Variants in FAM20C observed in about 807,000 individuals in gnomAD.
FAM20C encodes the protein FAM20C golgi associated secretory pathway kinase.
Under a neutral mutation model 51.5 loss-of-function variants are expected in FAM20C, and 40 were observed. That is an observed-to-expected ratio of 0.78 (90% confidence interval 0.60 to 1.01). FAM20C has a LOEUF of 1.01. FAM20C is among the 50% of genes least tolerant of loss of function. FAM20C has a pLI of 0.00. For synonymous variants in FAM20C, 406 were observed against 380.6 expected (o/e 1.07, Z -0.78); for missense variants, 861 against 844.7 (o/e 1.02, Z -0.24).
intron 3 of FAM20C, chr7:228,598 T>G: frequency 2.2e-6 from 1 of 456,204 alleles, no homozygotes; most frequent in Admixed American, 2.3e-5. Flanking sequence ...GGGCAGCGTT[T>G]CCACAGAGCC....
chr7:196,104 A>G (rs1215378398), intron 2 of FAM20C, among the ~76,000 whole-genome samples: 4 of 152,196 alleles, frequency 2.6e-5, no homozygotes, highest in Non-Finnish European at 2.9e-5. Flanking sequence ...AAGCGTGTGC[A>G]TGGAACTCTC....
In FAM20C at chr7:232,970, G is replaced by T. The variant is rs1003592092; in HGVS notation, c.864-13445G>T. Among the ~76,000 whole-genome samples the T allele has an allele frequency of 1.6e-4, 24 of 152,360 alleles. No homozygotes were observed. The East Asian group carries it at 4.2e-3, about 27-fold the overall frequency. ...CCTGAGAGGGGCCCAGATCCGGGAGGAAACACGGACGTTCGGAACAGCAGG... is the reference window on the plus strand; with the variant it reads ...CCTGAGAGGGGCCCAGATCCGGGAGTAAACACGGACGTTCGGAACAGCAGG... On this transcript the variant is annotated intron_variant, in intron 3 of 9. Transcript: ENST00000313766.
intron 5 of FAM20C, among the ~76,000 whole-genome samples, chr7:253,304 C>T (rs182898103): frequency 4.6e-5 from 7 of 152,192 alleles, no homozygotes; most frequent in Admixed American, 1.3e-4. Context: ...AGCCCCGACA[C>T]AGTCAGCGAA....
At chr7:202,185 C>G (rs553677502) in intron 2 of FAM20C, among the ~76,000 whole-genome samples, 4 of 152,362 alleles carry the variant, frequency 2.6e-5, no homozygotes, top group African/African-American at 9.6e-5. Context: ...TTCCCATGTG[C>G]ATAGAGAGGA....
At chr7:236,426 G>A (rs1787849378) in intron 3 of FAM20C, among the ~76,000 whole-genome samples, 1 of 152,208 alleles carries the variant, frequency 6.6e-6, no homozygotes, top group Non-Finnish European at 1.5e-5. Flanking sequence ...CTAGGCCAGG[G>A]GATTGAAGCC....
At chr7:212,115 A>T (rs1452717902) in intron 3 of FAM20C, among the ~76,000 whole-genome samples, 1 of 152,182 alleles carries the variant, frequency 6.6e-6, no homozygotes, top group Non-Finnish European at 1.5e-5. Flanking sequence ...TTGCATACGA[A>T]AGCAGCTGTG....
At chr7:212,776 T>TTAGGG (rs1454371268) in intron 3 of FAM20C, among the ~76,000 whole-genome samples, 1 of 152,156 alleles carries the variant, frequency 6.6e-6, no homozygotes, top group Non-Finnish European at 1.5e-5. Context: ...CGTTAAGATA[T>TTAGGG]TTACGTTCTT....
chr7:250,422 C>T (rs957060882), intron 5 of FAM20C, among the ~76,000 whole-genome samples: 3 of 152,140 alleles, frequency 2.0e-5, no homozygotes, highest in African/African-American at 4.8e-5. Flanking sequence ...CCCTACACAC[C>T]AGGAATCGGG....
intron 6 of FAM20C, 130 bp from the exon 7 acceptor site, chr7:256,524 C>T (rs1397538911): frequency 1.8e-5 from 13 of 733,300 alleles, no homozygotes; most frequent in Non-Finnish European, 2.3e-5. Flanking sequence ...GCCTCAGCGC[C>T]GCAGCCCGGG....
chr7:255,119 T>C (rs866128069), intron 5 of FAM20C, among the ~76,000 whole-genome samples: 1 of 152,018 alleles, frequency 6.6e-6, no homozygotes. Context: ...GGGAGGGGAG[T>C]TCCTGGGTCA....
intron 3 of FAM20C, among the ~76,000 whole-genome samples, chr7:234,239 A>C (rs1271227668): frequency 6.6e-6 from 1 of 152,220 alleles, no homozygotes; most frequent in Non-Finnish European, 1.5e-5. Context: ...TCGTGCCCTC[A>C]GTGGGACGCT....
chr7:253,815 C>T (rs569958922), intron 5 of FAM20C, among the ~76,000 whole-genome samples: 49 of 152,308 alleles, frequency 3.2e-4, no homozygotes, highest in Non-Finnish European at 6.5e-4. Flanking sequence ...TCTTTTAACA[C>T]GATACCATCT....
rs768052338 is a variant in FAM20C, at chr7:195,673, A to G, written c.725A>G (p.His242Arg). 1.2e-6 allele frequency: 2 copies of G among 1,611,156 alleles called. No homozygotes were observed. The highest frequency in any genetic ancestry group is 8.5e-7 in the Non-Finnish European group (1 of 1,178,744). The change falls in exon 2 of 10, where the codon CAC becomes CGC. Residue 242 changes from histidine (H) to arginine (R), a missense_variant. Physicochemically the swap from His to Arg is conservative, Grantham distance 29. Around this residue, in one of 3 missense-constraint regions of FAM20C, gnomAD observed 561 missense variants for 499.8 expected, o/e 1.12. Transcript: ENST00000313766. ...AACCGGTACGAGCTGTACTCCAGAC[A>G]CAACCCGGCCATCGAGGCCCTGCTG... ...GINRYELYSRHNPAIEALLHD... is the reference protein window; with the variant it reads ...GINRYELYSRRNPAIEALLHD...
At chr7:251,261 G>GCAGC (rs1271490148) in intron 5 of FAM20C, among the ~76,000 whole-genome samples, 1 of 114,224 alleles carries the variant, frequency 8.8e-6, no homozygotes, top group Non-Finnish European at 1.8e-5. Context: ...GCCGGGCACG[G>GCAGC]TGGCTCACAC....
At chr7:231,436 G>C (rs1020224198) in intron 3 of FAM20C, among the ~76,000 whole-genome samples, 1 of 151,612 alleles carries the variant, frequency 6.6e-6, no homozygotes, top group Admixed American at 6.6e-5. Flanking sequence ...GTCCTGGCGT[G>C]GAGGGCCCCG....
intron 3 of FAM20C, chr7:229,112 G>T (rs1387732170): frequency 1.2e-5 from 4 of 339,890 alleles, no homozygotes; most frequent in South Asian, 2.3e-5. Flanking sequence ...TCCCACCCAG[G>T]AGGGGCCCTT....
chr7:250,269 T>C (rs1224687286), intron 5 of FAM20C, among the ~76,000 whole-genome samples: 1 of 152,144 alleles, frequency 6.6e-6, no homozygotes, highest in Non-Finnish European at 1.5e-5. Flanking sequence ...ATGATTTAAT[T>C]AAGCTCCGTT....
chr7:241,829 G>A (rs971504482), intron 3 of FAM20C, among the ~76,000 whole-genome samples: 22 of 151,948 alleles, frequency 1.4e-4, no homozygotes, highest in African/African-American at 4.8e-4. Context: ...GTGTGTGCCC[G>A]TGTGTACGTT....
At chr7:251,285 G>A (rs1334458563) in intron 5 of FAM20C, among the ~76,000 whole-genome samples, 1 of 95,662 alleles carries the variant, frequency 1.0e-5, no homozygotes, top group African/African-American at 3.6e-5. Flanking sequence ...TGCAATCCCA[G>A]TACTGGGAGG....
Sources: allele counts gnomAD v4.1 joint callset (sites outside exome capture counted in the v4.1 genomes callset), GRCh38; gene constraint gnomAD v4.1.1; regional missense constraint gnomAD v4.1.1; transcripts MANE v1.5; gene names NCBI Gene and HGNC (gene_info 2026-07-23, HGNC 2026-07-21).